The following ZNF667 variants were observed in gnomAD, a reference collection of about 807,000 sequenced individuals.
ZNF667 encodes the protein myocardial ischemic preconditioning upregulated 1 ortholog.
In ZNF667, 13 loss-of-function variants were observed where a neutral mutation model predicts 31.8. That is an observed-to-expected ratio of 0.41 (90% CI 0.27 to 0.65). The LOEUF (loss-of-function observed/expected upper bound fraction) is 0.65, where lower values mean the gene tolerates loss of function less well. ZNF667 is among the 30% of genes least tolerant of loss of function. The pLI is 0.32. For missense variants in ZNF667, 642 were observed against 725.6 expected (o/e 0.88, Z 1.32); for synonymous variants, 228 against 247.1 (o/e 0.92, Z 0.73).
chr19:56,449,375 A>G, intron 6 of ZNF667: 1 of 294,094 alleles, frequency 3.4e-6, no homozygotes, highest in South Asian at 2.7e-5. Flanking sequence ...TCAGTCAGAG[A>G]ATTCAAAATA....
chr19:56,450,246 G>T (rs1344666101), intron 6 of ZNF667, among the ~76,000 whole-genome samples: 1 of 152,088 alleles, frequency 6.6e-6, no homozygotes, highest in Non-Finnish European at 1.5e-5. Context: ...ACATAAAACG[G>T]AACTCTAATA....
chr19:56,469,531 C>T (rs1449476550), intron 3 of ZNF667, among the ~76,000 whole-genome samples: 1 of 152,156 alleles, frequency 6.6e-6, no homozygotes, highest in African/African-American at 2.4e-5. Context: ...TACACCCCCA[C>T]CCCCATGCCA....
chr19:56,466,536 A>G (rs1043166648), intron 3 of ZNF667, among the ~76,000 whole-genome samples: 3 of 152,096 alleles, frequency 2.0e-5, no homozygotes, highest in African/African-American at 7.2e-5. Flanking sequence ...CTCTTGTTAG[A>G]GGGACCCCTG....
chr19:56,473,891 A>AACC (rs2043345702), intron 2 of ZNF667, 121 bp downstream of exon 2: 1 of 152,242 alleles, frequency 6.6e-6, no homozygotes. Context: ...TGAAGAAAGG[A>AACC]ACCAGGTTAT....
intron 3 of ZNF667, among the ~76,000 whole-genome samples, chr19:56,467,262 C>G (rs962352111): frequency 6.6e-6 from 1 of 152,178 alleles, no homozygotes; most frequent in Middle Eastern, 3.4e-3. Flanking sequence ...GGCCACCCCC[C>G]CAAAGATATG....
chr19:56,475,113 C>T (rs1399433263), intron 1 of ZNF667: 2 of 152,240 alleles, frequency 1.3e-5, no homozygotes, highest in Admixed American at 6.5e-5. Flanking sequence ...CCAAAAAGAA[C>T]ACCTGCCAAA....
At chr19:56,454,928 G>A (rs911808051) in intron 6 of ZNF667, among the ~76,000 whole-genome samples, 4 of 152,008 alleles carry the variant, frequency 2.6e-5, no homozygotes, top group African/African-American at 9.7e-5. Flanking sequence ...CTACCCATCT[G>A]ACAAGGGATT....
At chr19:56,442,813 G>A (rs753346723) in intron 6 of ZNF667, 72 bp from the exon 7 acceptor site, 40 of 1,452,126 alleles carry the variant, frequency 2.8e-5, no homozygotes, top group Non-Finnish European at 3.6e-5. Context: ...CAATATAAAT[G>A]TAATTATCAT....
At chr19:56,469,782 G>C in intron 3 of ZNF667, 1 of 375,820 alleles carries the variant, frequency 2.7e-6, no homozygotes, top group South Asian at 2.0e-5. Flanking sequence ...AGGCAACTCT[G>C]TATTCCAAGT....
chr19:56,449,587 C>T, intron 6 of ZNF667: 1 of 211,728 alleles, frequency 4.7e-6, no homozygotes, highest in Non-Finnish European at 9.7e-6. Flanking sequence ...GAGGCTGAGG[C>T]ACGAGAATTG....
chr19:56,442,388 T>C lies in ZNF667; in HGVS notation c.607A>G (p.Asn203Asp), dbSNP rs1312229451. 1 of 1,614,156 alleles carries C rather than the reference T, an allele frequency of 6.2e-7. No homozygotes were observed. Residue 203 changes from asparagine (N) to aspartate (D), a missense_variant, in exon 7 of 7, where the codon AAT becomes GAT. Coordinates refer to ENST00000504904, the MANE Select transcript of ZNF667 (RefSeq NM_001321356.2). Reference sequence around the variant, plus strand: ...TGATTGAAGCTTTCCCCACATTTATTGCATTCATGGCTTTTCTTTCCACTG... The same window carrying C: ...TGATTGAAGCTTTCCCCACATTTATCGCATTCATGGCTTTTCTTTCCACTG... ...IHSGKKSHEC[N>D]KCGESFNQRT...
At chr19:56,454,573 T>C (rs28815239) in intron 6 of ZNF667, among the ~76,000 whole-genome samples, 28,386 of 150,484 alleles carry the variant, frequency 0.19, 2,908 homozygotes, top group Middle Eastern at 0.29. Flanking sequence ...CAAATATATA[T>C]TGGGGAAGGG....
intron 6 of ZNF667, chr19:56,444,348 G>A (rs2042678945): frequency 2.5e-6 from 1 of 397,622 alleles, no homozygotes; most frequent in South Asian, 1.3e-4. Flanking sequence ...GAGAGAGTGT[G>A]GAGGAGGTGC....
intron 6 of ZNF667, among the ~76,000 whole-genome samples, chr19:56,448,183 G>A (rs911664608): frequency 6.6e-6 from 1 of 152,126 alleles, no homozygotes; most frequent in African/African-American, 2.4e-5. Context: ...GGAGGAGGAA[G>A]AATGGAGTGA....
chr19:56,449,037 G>A (rs1355981364), intron 6 of ZNF667, among the ~76,000 whole-genome samples: 1 of 152,146 alleles, frequency 6.6e-6, no homozygotes, highest in Non-Finnish European at 1.5e-5. Flanking sequence ...AATTCTCCTG[G>A]ATCTTACCAA....
At chr19:56,476,504 A>G (rs983404478) in intron 1 of ZNF667, among the ~76,000 whole-genome samples, 1 of 152,068 alleles carries the variant, frequency 6.6e-6, no homozygotes, top group Non-Finnish European at 1.5e-5. Flanking sequence ...ACACCTAAAC[A>G]CGGTGATTAG....
At chr19:56,458,526 C>A (rs2042980483) in intron 5 of ZNF667, among the ~76,000 whole-genome samples, 1 of 152,206 alleles carries the variant, frequency 6.6e-6, no homozygotes, top group African/African-American at 2.4e-5. Flanking sequence ...GGCTCCTGGA[C>A]AGCCTTCAGA....
intron 6 of ZNF667, among the ~76,000 whole-genome samples, chr19:56,448,219 G>A (rs1486478315): frequency 1.3e-5 from 2 of 152,084 alleles, no homozygotes; most frequent in Admixed American, 6.5e-5. Flanking sequence ...TTGGAACTCA[G>A]TGCTGCCCTG....
In ZNF667 at chr19:56,441,179, A is replaced by G; in HGVS notation, c.1816T>C (p.Ser606Pro). Residue 606 changes from serine to proline, a missense_variant, in exon 7 of 7, where the codon TCT becomes CCT. Coordinates refer to ENST00000504904, the MANE Select transcript of ZNF667 (RefSeq NM_001321356.2). This position sits in a 1 kb window ranked among gnomAD's most constrained non-coding sequence, Gnocchi z 4.2. ...AAACAACCTTAGGCTTTTTCTTCAGAATGTGTATTCTGATGTCGAATCAGG... is the reference window on the plus strand; with the variant it reads ...AAACAACCTTAGGCTTTTTCTTCAGGATGTGTATTCTGATGTCGAATCAGG... Reference protein sequence around the residue: ...SSLIRHQNTHSEEKA With the variant: ...SSLIRHQNTHPEEKA 6.2e-7 allele frequency: 1 copy of G among 1,603,782 alleles called. No individual in the cohort carries two copies. Among genetic ancestry groups the G allele is most frequent in the South Asian group, 1.1e-5 (1 of 90,568 alleles).
Sources: gnomAD v4.1 joint callset for allele counts (sites outside exome capture counted in the v4.1 genomes callset) on GRCh38, gnomAD v4.1.1 for gene constraint, Gnocchi (gnomAD v3.1) non-coding constraint, MANE v1.5 for transcripts, NCBI Gene and HGNC (gene_info 2026-07-23, HGNC 2026-07-21) for gene names.